Variants in COLEC12 observed in about 807,000 individuals in gnomAD.
The protein encoded by COLEC12 is collectin subfamily member 12.
Under a neutral mutation model 71.1 loss-of-function variants are expected in COLEC12, and 33 were observed. The observed-to-expected ratio is 0.46, with a 90% CI of 0.35 to 0.62. The LOEUF is 0.62. Among genes scored for constraint, COLEC12 ranks in the 20% least tolerant of loss-of-function variants. The pLI is 0.00. For missense variants in COLEC12, 765 were observed against 916.1 expected, an observed-to-expected ratio of 0.84 and a Z score of 2.13; for synonymous variants, 350 against 353.0, an observed-to-expected ratio of 0.99 and a Z score of 0.10.
Position 500,401 on chromosome 18 carries a change from C to A in COLEC12, c.7+107G>T, listed in dbSNP as rs112529804. The A allele has an allele frequency of 0.056, 43,727 of 785,726 alleles. 1,430 individuals are homozygous for A. The highest frequency in any genetic ancestry group is 0.065 in the Non-Finnish European group (37,815 of 586,216). 48.7% of individuals were successfully genotyped at this position (785,726 alleles called of 1,614,324 possible). A position where few individuals can be genotyped will look rare whatever the true frequency, so the allele number is the denominator to read the frequency against. ...GCCCTGGCAGCCCCGACTCCCCGGGCCCGCAGCCCAAGGGAAGGTTCGCGC... is the reference window on the plus strand; with the variant it reads ...GCCCTGGCAGCCCCGACTCCCCGGGACCGCAGCCCAAGGGAAGGTTCGCGC... On this transcript the variant is annotated intron_variant, in intron 1 of 9. Coordinates refer to ENST00000400256, the MANE Select transcript of COLEC12 (RefSeq NM_130386.3). This position sits in a 1 kb window ranked among gnomAD's most constrained non-coding sequence, Gnocchi z 5.3.
At chr18:345,338 T>C (rs1914347473) in intron 5 of COLEC12, among the ~76,000 whole-genome samples, 1 of 152,248 alleles carries the variant, frequency 6.6e-6, no homozygotes, top group African/African-American at 2.4e-5. Flanking sequence ...ATGGATGATC[T>C]GGATAACAGT....
intron 5 of COLEC12, among the ~76,000 whole-genome samples, chr18:340,480 A>G (rs1914225851): frequency 6.6e-6 from 1 of 152,232 alleles, no homozygotes; most frequent in African/African-American, 2.4e-5. Flanking sequence ...AGGATGGAAG[A>G]CTTTAAATCA....
At chr18:393,390 G>A (rs1355457829) in intron 2 of COLEC12, among the ~76,000 whole-genome samples, 3 of 101,594 alleles carry the variant, frequency 3.0e-5, no homozygotes, top group African/African-American at 9.1e-5. Flanking sequence ...TTTTTCTTTG[G>A]TATCTAGGGA....
rs569443657 is a variant in COLEC12 at position 385,011 on chromosome 18, A to G, written c.59-27489T>C. Among the ~76,000 whole-genome samples, 339 of 152,322 alleles carry G rather than the reference A, an allele frequency of 2.2e-3. 5 individuals are homozygous for G. Among genetic ancestry groups the G allele is most frequent in the Non-Finnish European group, 7.2e-4 (49 of 68,028 alleles). On this transcript the variant is annotated intron_variant, in intron 2 of 9. Transcript: ENST00000400256. ...TGGCCTTGCTGTGGCAGCTCTCTAG[A>G]AGGATATCTGCTGATTTAAGAAGGC...
intron 2 of COLEC12, among the ~76,000 whole-genome samples, chr18:388,020 C>T (rs1283215760): frequency 2.6e-5 from 4 of 152,114 alleles, no homozygotes; most frequent in African/African-American, 9.7e-5. Context: ...AGTATCTTCC[C>T]CGCAAAACAG....
In COLEC12 at chr18:385,316, ATTTTTTTTTT is replaced by A. The variant is rs139537913; in HGVS notation, c.59-27804_59-27795del. Among the ~76,000 whole-genome samples the A allele has an allele frequency of 3.0e-3, 359 of 119,220 alleles. 2 individuals are homozygous for A. Among genetic ancestry groups the A allele is most frequent in the Non-Finnish European group, 4.4e-3 (262 of 59,590 alleles). 78.2% of individuals were successfully genotyped at this position (119,220 alleles called of 152,430 possible). A position where few individuals can be genotyped will look rare whatever the true frequency, so the allele number is the denominator to read the frequency against. Reference sequence around the variant, plus strand: ...CTCTAAACAAGTGGTTTAAAATGGGATTTTTTTTTTTTTTTTTTTTTTTTTTGAGACAGAG... The same window carrying A: ...CTCTAAACAAGTGGTTTAAAATGGGATTTTTTTTTTTTTTTTGAGACAGAG... On this transcript the variant is annotated intron_variant, in intron 2 of 9. Coordinates refer to ENST00000400256, the MANE Select transcript of COLEC12 (RefSeq NM_130386.3).
At chr18:364,726 G>A (rs889044390) in intron 2 of COLEC12, among the ~76,000 whole-genome samples, 2 of 152,222 alleles carry the variant, frequency 1.3e-5, no homozygotes, top group Admixed American at 6.5e-5. Context: ...TTGAGTGGGT[G>A]AGAGTTTGCT....
chr18:412,717 C>T (rs1915916556), intron 2 of COLEC12, among the ~76,000 whole-genome samples: 1 of 152,130 alleles, frequency 6.6e-6, no homozygotes, highest in Non-Finnish European at 1.5e-5. Context: ...TTCCGTACTT[C>T]ACTAGAACTA....
chr18:343,402 C>A, intron 5 of COLEC12, among the ~76,000 whole-genome samples: 1 of 151,986 alleles, frequency 6.6e-6, no homozygotes, highest in East Asian at 1.9e-4. Context: ...CTATCTCCAA[C>A]TCTCCTCCTG....
chr18:418,553 G>A (rs1916033439), intron 2 of COLEC12, among the ~76,000 whole-genome samples: 1 of 152,230 alleles, frequency 6.6e-6, no homozygotes, highest in African/African-American at 2.4e-5. Context: ...CACAGGATAA[G>A]ATAGGAGGTC....
intron 8 of COLEC12, 148 bp from the exon 9 acceptor site, chr18:321,955 T>C: frequency 2.7e-6 from 2 of 753,708 alleles, no homozygotes; most frequent in Admixed American, 2.8e-5. Context: ...GTACATGCTC[T>C]TATTCAGAGA....
intron 2 of COLEC12, among the ~76,000 whole-genome samples, chr18:422,623 A>G: frequency 6.6e-6 from 1 of 151,950 alleles, no homozygotes; most frequent in South Asian, 2.1e-4. Flanking sequence ...TTAATAGTTT[A>G]TATTTTTATA....
chr18:443,603 T>C (rs1351770826), intron 2 of COLEC12, among the ~76,000 whole-genome samples: 3 of 152,180 alleles, frequency 2.0e-5, no homozygotes, highest in African/African-American at 7.2e-5. Context: ...CGTCTCATGG[T>C]GTAGGGTAAG....
chr18:346,857 C>A lies in COLEC12; in HGVS notation c.765G>T (p.Thr255=). ...QQVFLQAKKD[T]DWLKEKVQSL... ...TCTGCACTTTCTCCTTCAGCCAATC[C>A]GTGTCCTTCTTGGCTTGAAGAAAAA... The change falls in exon 5 of 10, where the codon ACG becomes ACT. Residue 255 remains threonine (T), a synonymous_variant. Transcript: ENST00000400256. This position sits in a 1 kb window ranked among gnomAD's most constrained non-coding sequence, Gnocchi z 4.0. The A allele has an allele frequency of 6.2e-7, 1 of 1,614,186 alleles. No homozygotes were observed. The highest frequency in any genetic ancestry group is 8.5e-7 in the Non-Finnish European group (1 of 1,180,020).
intron 5 of COLEC12, among the ~76,000 whole-genome samples, chr18:344,460 T>C (rs1914328635): frequency 6.6e-6 from 1 of 152,154 alleles, no homozygotes; most frequent in African/African-American, 2.4e-5. Flanking sequence ...TCACAGTACG[T>C]GGTTTCTAGC....
intron 2 of COLEC12, among the ~76,000 whole-genome samples, chr18:460,738 C>G (rs928492391): frequency 6.6e-6 from 1 of 152,108 alleles, no homozygotes; most frequent in African/African-American, 2.4e-5. Flanking sequence ...CCAACCTCCC[C>G]CAACAGTCTG....
chr18:384,872 C>T (rs183192592), intron 2 of COLEC12, among the ~76,000 whole-genome samples: 3 of 152,316 alleles, frequency 2.0e-5, no homozygotes, highest in African/African-American at 7.2e-5. Flanking sequence ...CACAGATAGG[C>T]TGGGACATAG....
At chr18:482,099 C>T (rs936416122) in intron 1 of COLEC12, among the ~76,000 whole-genome samples, 6 of 151,632 alleles carry the variant, frequency 4.0e-5, no homozygotes, top group Admixed American at 1.3e-4. Flanking sequence ...GCCCCAGTGG[C>T]TACTGTCCAG....
At chr18:341,025 G>A (rs1914240026) in intron 5 of COLEC12, among the ~76,000 whole-genome samples, 1 of 152,160 alleles carries the variant, frequency 6.6e-6, no homozygotes, top group Non-Finnish European at 1.5e-5. Context: ...ATGAGGGAGT[G>A]GTTGGCAATG....
Sources: allele counts gnomAD v4.1 joint callset (sites outside exome capture counted in the v4.1 genomes callset), GRCh38; gene constraint gnomAD v4.1.1; non-coding constraint Gnocchi (gnomAD v3.1); transcripts MANE v1.5; gene names NCBI Gene and HGNC (gene_info 2026-07-23, HGNC 2026-07-21).